C1orf162: variants seen among roughly 807,000 people sequenced by gnomAD.
C1orf162 encodes the protein chromosome 1 open reading frame 162.
A neutral mutation model predicts 11.4 loss-of-function variants in C1orf162; 10 were observed. That is an observed-to-expected ratio of 0.88 (90% CI 0.54 to 1.48). C1orf162 has a LOEUF of 1.48. C1orf162 is among the 40% of genes most tolerant of loss of function. The pLI is 0.00. For synonymous variants in C1orf162, 53 were observed against 55.0 expected (o/e 0.96, Z 0.16); for missense variants, 140 against 149.5 (o/e 0.94, Z 0.33).
rs751266703 is a variant in C1orf162 at position 111,477,435 on chromosome 1, G to T, written c.202+7G>T. 3.2e-5 allele frequency: 52 copies of T among 1,604,088 alleles called. No homozygotes were observed. In the East Asian group the frequency reaches 1.2e-3, roughly 36 times the overall value. ...ATAAAGAGCTACAGAAAATGTAAGT[G>T]GTCTCCAAGGGATAGGACAGCCCTT... On this transcript the variant is annotated splice_region_variant and intron_variant, in intron 4 of 5. Transcript: ENST00000369718.
chr1:111,475,720 A>G (rs1219509754), intron 1 of C1orf162: 1 of 324,622 alleles, frequency 3.1e-6, no homozygotes, highest in Non-Finnish European at 6.0e-6. Flanking sequence ...CGGCTTATAC[A>G]TCAGTCTCCT....
In C1orf162 at chr1:111,478,011, C is replaced by G; in HGVS notation, c.281C>G (p.Thr94Ser). Residue 94 changes from threonine to serine, a missense_variant, in exon 6 of 6, where the codon ACC (threonine) becomes AGC (serine). Coordinates refer to ENST00000369718, the MANE Select transcript of C1orf162 (RefSeq NM_001300834.2). The stretch of plus-strand genomic sequence containing the variant: ...TCATCCATCCCAGGGGAATCACTTA[C>G]CTATGCCAGCACAACTTTCAAACTC... Reference protein sequence around the residue: ...KLSSIPGESLTYASTTFKLSE... With the variant: ...KLSSIPGESLSYASTTFKLSE... The G allele has an allele frequency of 1.2e-6, 2 of 1,614,150 alleles. No individual in the cohort carries two copies. The highest frequency in any genetic ancestry group is 1.7e-6 in the Non-Finnish European group (2 of 1,179,994).
In C1orf162 at chr1:111,476,816, C is replaced by G; in HGVS notation, c.56C>G (p.Ser19Cys). The G allele has an allele frequency of 1.9e-6, 3 of 1,614,074 alleles. No individual in the cohort carries two copies. Among genetic ancestry groups the G allele is most frequent in the South Asian group, 2.2e-5 (2 of 91,078 alleles). ...CTTGTAGAAAGACAAGGCACTCTCT[C>G]CACAGCAGCCCCAACAACTAGCCCT... ...KPDTERQGTLSTAAPTTSPAP... is the reference protein window; with the variant it reads ...KPDTERQGTLCTAAPTTSPAP... Residue 19 changes from serine (S) to cysteine (C), a missense_variant, in exon 3 of 6, where the codon TCC (serine) becomes TGC (cysteine). Transcript: ENST00000369718.
In C1orf162 at chr1:111,478,290, G is replaced by A; in HGVS notation, c.*167G>A. 1 of 787,078 alleles carries A rather than the reference G, an allele frequency of 1.3e-6. No individual in the cohort carries two copies. Among genetic ancestry groups the A allele is most frequent in the Non-Finnish European group, 2.0e-6 (1 of 494,604 alleles). The allele number at this position is 787,078 out of a possible 1,614,324, so 48.8% of individuals were successfully genotyped here. A position where few individuals can be genotyped will look rare whatever the true frequency, so the allele number is the denominator to read the frequency against. On this transcript the variant is annotated 3_prime_UTR_variant, in exon 6 of 6. Transcript: ENST00000369718. ...CTATCCAGCATCTTTGGAGACCAAT[G>A]GTCAGTCTTTTCCTGGCCAGAGGAA... is the stretch of plus-strand genomic sequence containing the variant.
intron 4 of C1orf162, 102 bp downstream of exon 4, chr1:111,477,530 T>G (rs1654033583): frequency 6.8e-7 from 1 of 1,470,914 alleles, no homozygotes; most frequent in Non-Finnish European, 9.5e-7. Flanking sequence ...GGGTGCAGTG[T>G]GATAAAACCT....
At chr1:111,474,093 C>G (rs954958455) in intron 1 of C1orf162, 63 bp downstream of exon 1, 2 of 152,142 alleles carry the variant, frequency 1.3e-5, no homozygotes, top group African/African-American at 4.8e-5. Context: ...AAGAAAGTGT[C>G]GTCTAATTGT....
rs916048038 is a variant in C1orf162, at chr1:111,474,016, A to C, written c.-26A>C. ...GACGACTGCGTCGTGCTATGACCGGACTTTTTCTTGAAAGGTAAATGCATT... is the reference window on the plus strand; with the variant it reads ...GACGACTGCGTCGTGCTATGACCGGCCTTTTTCTTGAAAGGTAAATGCATT... On this transcript the variant is annotated 5_prime_UTR_variant, in exon 1 of 6. Coordinates refer to ENST00000369718, the MANE Select transcript of C1orf162 (RefSeq NM_001300834.2). 1 of 152,194 alleles carries C rather than the reference A, an allele frequency of 6.6e-6. No individual in the cohort carries two copies. The highest frequency in any genetic ancestry group is 1.5e-5 in the Non-Finnish European group (1 of 68,038). 9.4% of individuals were successfully genotyped at this position (152,194 alleles called of 1,614,324 possible). A position where few individuals can be genotyped will look rare whatever the true frequency, so the allele number is the denominator to read the frequency against.
intron 2 of C1orf162, among the ~76,000 whole-genome samples, chr1:111,476,305 C>G (rs937451179): frequency 6.6e-6 from 1 of 152,162 alleles, no homozygotes; most frequent in African/African-American, 2.4e-5. Context: ...TAGGTGGGTC[C>G]TGCTCCCCTA....
At position 111,476,887 on chromosome 1, in the gene C1orf162, T is replaced by A; in HGVS notation, c.107+20T>A. The A allele has an allele frequency of 6.2e-7, 1 of 1,609,062 alleles. No individual in the cohort carries two copies. Among genetic ancestry groups the A allele is most frequent in the Non-Finnish European group, 8.5e-7 (1 of 1,175,394 alleles). On this transcript the variant is annotated intron_variant, in intron 3 of 5. Transcript: ENST00000369718. ...CCACAAGTAAATGAGCATTCTCCTA[T>A]CTGTTTCATCTTGTACCACGTGGGA...
At position 111,478,104 on chromosome 1, in the gene C1orf162, A is replaced by C. The variant is rs1654062268; in HGVS notation, c.374A>C (p.Gln125Pro). ...GACTTTGACCCCATTGTCTATGCTC[A>C]AATTAAAGTAACAAACTAACTCAGC... ...SADFDPIVYA[Q>P]IKVTN The change falls in exon 6 of 6, where the codon CAA becomes CCA. Residue 125 changes from glutamine (Q) to proline (P), a missense_variant. Gln to Pro is a moderately conservative substitution (Grantham distance 76). Coordinates refer to ENST00000369718, the MANE Select transcript of C1orf162 (RefSeq NM_001300834.2). 8.7e-6 allele frequency: 14 copies of C among 1,614,228 alleles called. No homozygotes were observed. The highest frequency in any genetic ancestry group is 1.0e-5 in the Non-Finnish European group (12 of 1,180,022).
chr1:111,476,938 C>A, intron 3 of C1orf162, 71 bp downstream of exon 3: 1 of 1,535,556 alleles, frequency 6.5e-7, no homozygotes, highest in Non-Finnish European at 9.0e-7. Flanking sequence ...ACAGCCTCGG[C>A]TTGGGGATTT....
At position 111,477,722 on chromosome 1, in the gene C1orf162, G is replaced by A. The variant is rs774436274; in HGVS notation, c.203-4G>A. On this transcript the variant is annotated splice_region_variant and splice_polypyrimidine_tract_variant and intron_variant, in intron 4 of 5. Coordinates refer to ENST00000369718, the MANE Select transcript of C1orf162 (RefSeq NM_001300834.2). ...GGTCCCTCTTCTTTCTGGCACCATGGCAGATCACTCCAAGCCCCAGGCCCC... is the reference window on the plus strand; with the variant it reads ...GGTCCCTCTTCTTTCTGGCACCATGACAGATCACTCCAAGCCCCAGGCCCC... The A allele has an allele frequency of 1.9e-6, 3 of 1,613,706 alleles. No individual in the cohort carries two copies. Among genetic ancestry groups the A allele is most frequent in the South Asian group, 2.2e-5 (2 of 91,050 alleles).
Position 111,475,896 on chromosome 1 carries a change from A to G in C1orf162, c.-11-122A>G, listed in dbSNP as rs965263514. 53 of 704,494 alleles carry G rather than the reference A, an allele frequency of 7.5e-5. No individual in the cohort carries two copies. In the Middle Eastern group the frequency reaches 1.5e-3, roughly 20 times the overall value. 43.6% of individuals were successfully genotyped at this position (704,494 alleles called of 1,614,324 possible). A position where few individuals can be genotyped will look rare whatever the true frequency, so the allele number is the denominator to read the frequency against. On this transcript the variant is annotated intron_variant, in intron 1 of 5. Coordinates refer to ENST00000369718, the MANE Select transcript of C1orf162 (RefSeq NM_001300834.2). ...GTGATCTGTGACCACTGATGGCACT[A>G]GAACACCCACAAATTGCCTCTCATT...
chr1:111,476,541 A>G (rs1273706695), intron 2 of C1orf162, among the ~76,000 whole-genome samples: 3 of 151,658 alleles, frequency 2.0e-5, no homozygotes, highest in East Asian at 2.0e-4. Context: ...GAGGAGAGCA[A>G]CATATGAGAT....
At chr1:111,476,106 G>A (rs764191148) in intron 2 of C1orf162, 41 bp downstream of exon 2, 5 of 1,586,450 alleles carry the variant, frequency 3.2e-6, no homozygotes, top group Middle Eastern at 1.7e-4. Flanking sequence ...TCACGTCTGA[G>A]TTAAAATAAC....
rs377303087 is a variant in C1orf162, at chr1:111,478,474, A to C, written c.*351A>C. 1 of 221,160 alleles carries C rather than the reference A, an allele frequency of 4.5e-6. No homozygotes were observed. Among genetic ancestry groups the C allele is most frequent in the South Asian group, 9.3e-5 (1 of 10,728 alleles). The allele number at this position is 221,160 out of a possible 1,614,324, so 13.7% of individuals were successfully genotyped here. The stretch of plus-strand genomic sequence containing the variant: ...CTTGGGAGGAGTCAACCAAATGAAC[A>C]ATCTACCAAAAATTTCAAATAAAGT... On this transcript the variant is annotated 3_prime_UTR_variant, in exon 6 of 6. Coordinates refer to ENST00000369718, the MANE Select transcript of C1orf162 (RefSeq NM_001300834.2).
At chr1:111,474,821 G>C (rs1276425196) in intron 1 of C1orf162, 1 of 152,200 alleles carries the variant, frequency 6.6e-6, no homozygotes, top group Non-Finnish European at 1.5e-5. Context: ...AACAGGTACA[G>C]GGCGATGAGG....
chr1:111,478,382 T>G lies in C1orf162; in HGVS notation c.*259T>G, dbSNP rs1318336604. 3.7e-6 allele frequency: 2 copies of G among 538,480 alleles called. No homozygotes were observed. Among genetic ancestry groups the G allele is most frequent in the Non-Finnish European group, 6.7e-6 (2 of 299,714 alleles). The allele number at this position is 538,480 out of a possible 1,614,324, so 33.4% of individuals were successfully genotyped here. A position where few individuals can be genotyped will look rare whatever the true frequency, so the allele number is the denominator to read the frequency against. ...CCTTGGGGGCATAGACTGCCTTCCT[T>G]GGACCCTTCCAAAGTGTGTGGTACA... On this transcript the variant is annotated 3_prime_UTR_variant, in exon 6 of 6. Coordinates refer to ENST00000369718, the MANE Select transcript of C1orf162 (RefSeq NM_001300834.2).
chr1:111,478,329 TC>T lies in C1orf162; in HGVS notation c.*209del, dbSNP rs1255506737. The T allele has an allele frequency of 3.1e-6, 2 of 641,918 alleles. No homozygotes were observed. Among genetic ancestry groups the T allele is most frequent in the South Asian group, 2.0e-5 (1 of 51,150 alleles). 39.8% of individuals were successfully genotyped at this position (641,918 alleles called of 1,614,324 possible). On this transcript the variant is annotated 3_prime_UTR_variant, in exon 6 of 6. Transcript: ENST00000369718. ...TGGCCAGAGGAAAGATTGATGGCCC[TC>T]CCACTTGAACTGACAGCCTGTGAGC...
Sources: gnomAD v4.1 joint callset for allele counts (sites outside exome capture counted in the v4.1 genomes callset) on GRCh38, gnomAD v4.1.1 for gene constraint, MANE v1.5 for transcripts, NCBI Gene and HGNC (gene_info 2026-07-23, HGNC 2026-07-21) for gene names.